Variants in USF2 observed in about 807,000 individuals in gnomAD.
The protein encoded by USF2 is upstream stimulatory factor 2.
Under a neutral mutation model 46.9 loss-of-function variants are expected in USF2, and 16 were observed. The observed-to-expected ratio is 0.34, with a 90% CI of 0.23 to 0.52. USF2 has a LOEUF of 0.52. USF2 is among the 20% of genes least tolerant of loss of function. USF2 has a pLI of 0.96. For missense variants in USF2, 411 were observed against 474.0 expected (o/e 0.87, Z 1.23); for synonymous variants, 239 against 194.1 (o/e 1.23, Z -1.92).
rs1395094598 is a variant in USF2, at chr19:35,270,431, C to T, written c.430-16C>T. ...CAGAGAAAGCTAAGGGTAGCCTCTG[C>T]CCTCCTACTCCCCAGGCTGTGATCC... On this transcript the variant is annotated splice_polypyrimidine_tract_variant and intron_variant, in intron 4 of 9. Coordinates refer to ENST00000222305, the MANE Select transcript of USF2 (RefSeq NM_003367.4). 3.1e-6 allele frequency: 5 copies of T among 1,607,300 alleles called. No individual in the cohort carries two copies. Among genetic ancestry groups the T allele is most frequent in the East Asian group, 2.2e-5 (1 of 44,874 alleles).
At chr19:35,270,388 G>A (rs769252796) in intron 4 of USF2, 59 bp from the exon 5 acceptor site, 5 of 1,575,094 alleles carry the variant, frequency 3.2e-6, no homozygotes, top group East Asian at 4.5e-5. Context: ...ACAGCAATGA[G>A]GGGACGGGAT....
At chr19:35,270,936 G>A in intron 6 of USF2, 131 bp downstream of exon 6, 1 of 1,417,688 alleles carries the variant, frequency 7.1e-7, no homozygotes. Context: ...TGTTTCTGCT[G>A]CTCTAGTGCA....
At chr19:35,269,328 C>T in intron 1 of USF2, 118 bp from the exon 2 acceptor site, 1 of 932,400 alleles carries the variant, frequency 1.1e-6, no homozygotes, top group Non-Finnish European at 1.3e-6. Flanking sequence ...CCCCCGGCCT[C>T]GGCGGCGCCC....
At chr19:35,278,652 G>A in intron 7 of USF2, 46 bp from the exon 8 acceptor site, 1 of 1,600,922 alleles carries the variant, frequency 6.2e-7, no homozygotes, top group Non-Finnish European at 8.6e-7. Flanking sequence ...GGCCGCTCAG[G>A]CATGATCCGT....
At chr19:35,270,281 GC>G in intron 4 of USF2, 165 bp from the exon 5 acceptor site, 1 of 1,108,128 alleles carries the variant, frequency 9.0e-7, no homozygotes, top group Non-Finnish European at 1.3e-6. Flanking sequence ...CTGACCTCCC[GC>G]CATGTTCCAG....
chr19:35,269,158 C>T lies in USF2; in HGVS notation c.57C>T (p.Ala19=), dbSNP rs1183708406. The T allele has an allele frequency of 2.9e-5, 30 of 1,026,920 alleles. No homozygotes were observed. Among genetic ancestry groups the T allele is most frequent in the Middle Eastern group, 4.6e-4 (1 of 2,168 alleles). 63.6% of individuals were successfully genotyped at this position (1,026,920 alleles called of 1,614,324 possible). ...DPAASATAAA[A]ASHDKGPEAE... Reference sequence around the variant, plus strand: ...CTGCCTCGGCCACCGCTGCTGCCGCCGCCAGGTAAGATCCCCGGCCCGGCC... The same window carrying T: ...CTGCCTCGGCCACCGCTGCTGCCGCTGCCAGGTAAGATCCCCGGCCCGGCC... Residue 19 remains alanine, a synonymous_variant, in exon 1 of 10, where the codon GCC becomes GCT. Coordinates refer to ENST00000222305, the MANE Select transcript of USF2 (RefSeq NM_003367.4).
chr19:35,269,846 G>A lies in USF2; in HGVS notation c.272G>A (p.Gly91Asp). The A allele has an allele frequency of 6.9e-7, 1 of 1,441,214 alleles. No homozygotes were observed. Among genetic ancestry groups the A allele is most frequent in the Admixed American group, 3.3e-5 (1 of 29,870 alleles). The allele number at this position is 1,441,214 out of a possible 1,614,324, so 89.3% of individuals were successfully genotyped here. A position where few individuals can be genotyped will look rare whatever the true frequency, so the allele number is the denominator to read the frequency against. Residue 91 changes from glycine (G) to aspartate (D), a missense_variant, in exon 4 of 10, where the codon GGC becomes GAC. By Grantham distance (94) the Gly-to-Asp change is moderately conservative. Around this residue, in one of 2 missense-constraint regions of USF2, gnomAD observed 318 missense variants for 322.4 expected, o/e 0.99. Coordinates refer to ENST00000222305, the MANE Select transcript of USF2 (RefSeq NM_003367.4). Reference protein sequence around the residue: ...VVQVTDGQLDGQGDTAGAVSV... With the variant: ...VVQVTDGQLDDQGDTAGAVSV... ...CAGGTGACTGATGGTCAGCTGGACG[G>A]CCAGGGCGACACAGCTGGCGCCGTC...
rs1454666755 is a variant in USF2, at chr19:35,269,529, C to T, written c.109+37C>T. 3.9e-6 allele frequency: 6 copies of T among 1,550,006 alleles called. No individual in the cohort carries two copies. In the Admixed American group the frequency reaches 5.8e-5, roughly 15 times the overall value. Reference sequence around the variant, plus strand: ...CCGGGCCGGCCGCGCCCGGGGAGGGCTGGGGGCGCTCGGCGCGGCCCTGAC... The same window carrying T: ...CCGGGCCGGCCGCGCCCGGGGAGGGTTGGGGGCGCTCGGCGCGGCCCTGAC... On this transcript the variant is annotated intron_variant, in intron 2 of 9. Coordinates refer to ENST00000222305, the MANE Select transcript of USF2 (RefSeq NM_003367.4).
At position 35,276,069 on chromosome 19, in the gene USF2, C is replaced by CTTTT. The variant is rs752967792; in HGVS notation, c.728-2612_728-2609dup. ...GGCAGGTTTCGCTTCTGAATTTTCT[C>CTTTT]TTTTTTTTTTTTTTTTTTTTGAGAC... On this transcript the variant is annotated intron_variant, in intron 7 of 9. Transcript: ENST00000222305. Among the ~76,000 whole-genome samples the CTTTT allele has an allele frequency of 8.2e-3, 913 of 111,918 alleles. 12 individuals are homozygous for CTTTT. The highest frequency in any genetic ancestry group is 0.012 in the Non-Finnish European group (712 of 57,354). 73.4% of individuals were successfully genotyped at this position (111,918 alleles called of 152,430 possible). A position where few individuals can be genotyped will look rare whatever the true frequency, so the allele number is the denominator to read the frequency against.
chr19:35,270,973 G>C (rs2066145644), intron 6 of USF2, 110 bp from the exon 7 acceptor site: 3 of 1,493,398 alleles, frequency 2.0e-6, no homozygotes, highest in South Asian at 1.2e-5. Flanking sequence ...TTTTGTTTTT[G>C]CAGATGGATT....
chr19:35,279,499 C>G lies in USF2; in HGVS notation c.*243C>G. On this transcript the variant is annotated 3_prime_UTR_variant, in exon 10 of 10. Coordinates refer to ENST00000222305, the MANE Select transcript of USF2 (RefSeq NM_003367.4). Reference sequence around the variant, plus strand: ...TCTGTCGCCCTTCTCCCGGCCCTCACTAAGCCCCGGCACTTCTAGTGGTCT... The same window carrying G: ...TCTGTCGCCCTTCTCCCGGCCCTCAGTAAGCCCCGGCACTTCTAGTGGTCT... The G allele has an allele frequency of 2.0e-6, 1 of 489,012 alleles. No individual in the cohort carries two copies. The highest frequency in any genetic ancestry group is 3.7e-5 in the South Asian group (1 of 27,320). The allele number at this position is 489,012 out of a possible 1,614,324, so 30.3% of individuals were successfully genotyped here.
chr19:35,274,825 G>A (rs1043529394), intron 7 of USF2, among the ~76,000 whole-genome samples: 3 of 152,144 alleles, frequency 2.0e-5, no homozygotes, highest in African/African-American at 7.2e-5. Context: ...GTTGTGGGGG[G>A]CCCCCAGTGA....
At chr19:35,275,618 T>C (rs2066223094) in intron 7 of USF2, among the ~76,000 whole-genome samples, 1 of 152,226 alleles carries the variant, frequency 6.6e-6, no homozygotes, top group Non-Finnish European at 1.5e-5. Context: ...TCATTCAGTT[T>C]AAAGTGTTTT....
chr19:35,279,374 A>G lies in USF2; in HGVS notation c.*118A>G, dbSNP rs1181683424. 8.8e-6 allele frequency: 10 copies of G among 1,134,008 alleles called. No individual in the cohort carries two copies. The highest frequency in any genetic ancestry group is 1.2e-5 in the Non-Finnish European group (10 of 848,660). 70.2% of individuals were successfully genotyped at this position (1,134,008 alleles called of 1,614,324 possible). The stretch of plus-strand genomic sequence containing the variant: ...CCCCAGCTGCGTTTTTTTATAGTAG[A>G]TTTTTAACAAAAAACGGGGAGAAAT... On this transcript the variant is annotated 3_prime_UTR_variant, in exon 10 of 10. Coordinates refer to ENST00000222305, the MANE Select transcript of USF2 (RefSeq NM_003367.4).
At chr19:35,275,746 C>T (rs2066224731) in intron 7 of USF2, 1 of 151,982 alleles carries the variant, frequency 6.6e-6, no homozygotes, top group Admixed American at 6.5e-5. Flanking sequence ...TAATTTAGTT[C>T]TGTTATGGTC....
At chr19:35,278,584 C>T (rs1340609754) in intron 7 of USF2, 114 bp from the exon 8 acceptor site, 8 of 1,057,508 alleles carry the variant, frequency 7.6e-6, no homozygotes, top group Middle Eastern at 2.3e-4. Flanking sequence ...GCTGTGGTCT[C>T]GGTGGGGCCT....
intron 7 of USF2, among the ~76,000 whole-genome samples, chr19:35,276,587 C>G (rs2066236672): frequency 6.6e-6 from 1 of 152,180 alleles, no homozygotes; most frequent in East Asian, 1.9e-4. Flanking sequence ...CACACAAGGC[C>G]TTGACAACCG....
Position 35,279,026 on chromosome 19 carries a change from C to A in USF2, c.903C>A (p.Phe301Leu). 2 of 1,589,880 alleles carry A rather than the reference C, an allele frequency of 1.3e-6. No homozygotes were observed. The highest frequency in any genetic ancestry group is 8.6e-7 in the Non-Finnish European group (1 of 1,167,354). The change falls in exon 9 of 10, where the codon TTC (phenylalanine) becomes TTA (leucine). Residue 301 changes from phenylalanine to leucine, a missense_variant. Phe to Leu is a conservative substitution (Grantham distance 22). Transcript: ENST00000222305. ...CCAACCAGCGCATGCAGGAGACCTT[C>A]AAAGAGGCCGAGCGGCTGCAGATGG... ...RQTNQRMQET[F>L]KEAERLQMDN...
At chr19:35,270,240 G>A in intron 4 of USF2, 1 of 915,756 alleles carries the variant, frequency 1.1e-6, no homozygotes, top group Non-Finnish European at 1.6e-6. Flanking sequence ...GTTTCTTAGA[G>A]TGCGAAACGG....
Sources: gnomAD v4.1 joint callset for allele counts (sites outside exome capture counted in the v4.1 genomes callset) on GRCh38, gnomAD v4.1.1 for gene constraint, gnomAD v4.1.1 regional missense constraint, MANE v1.5 for transcripts, NCBI Gene and HGNC (gene_info 2026-07-23, HGNC 2026-07-21) for gene names.